The following GLB1 variants were observed in gnomAD, a reference collection of about 807,000 sequenced individuals.
GLB1 encodes galactosidase beta 1.
GLB1 carries 56 observed loss-of-function variants against 74.0 expected under a neutral mutation model. That is an observed-to-expected ratio of 0.76 (90% CI 0.61 to 0.94). The LOEUF (loss-of-function observed/expected upper bound fraction) is 0.94, where lower values mean the gene tolerates loss of function less well. Ranked by LOEUF, GLB1 falls within the 40% of genes least tolerant of loss-of-function variation. The pLI, the probability that GLB1 is intolerant of heterozygous loss-of-function variation, is 0.00. For synonymous variants in GLB1, 323 were observed against 323.6 expected (o/e 1.00, Z 0.02); for missense variants, 787 against 845.5 (o/e 0.93, Z 0.86).
At chr3:33,043,661 A>C (rs898849263) in intron 10 of GLB1, among the ~76,000 whole-genome samples, 1 of 138,766 alleles carries the variant, frequency 7.2e-6, no homozygotes, top group African/African-American at 2.7e-5. Context: ...TATCAGTTAA[A>C]AGACAAGAAA....
intron 11 of GLB1, among the ~76,000 whole-genome samples, chr3:33,023,903 G>A (rs972606291): frequency 1.3e-5 from 2 of 152,146 alleles, no homozygotes; most frequent in Admixed American, 6.5e-5. Context: ...ATACGACAAA[G>A]AGCCTTGGCA....
intron 14 of GLB1, 145 bp from the exon 15 acceptor site, chr3:33,014,455 TA>T (rs1310487431): frequency 1.6e-6 from 2 of 1,252,420 alleles, no homozygotes; most frequent in African/African-American, 3.0e-5. Flanking sequence ...TACATCGAAG[TA>T]ACACAGATCT....
intron 15 of GLB1, among the ~76,000 whole-genome samples, chr3:33,010,476 T>C (rs1575406649): frequency 3.9e-5 from 6 of 152,366 alleles, no homozygotes; most frequent in Admixed American, 3.9e-4. Flanking sequence ...GCTCCTTTTG[T>C]GACTGGGCTG....
chr3:33,064,517 C>T (rs1267695155), intron 5 of GLB1, among the ~76,000 whole-genome samples: 3 of 151,564 alleles, frequency 2.0e-5, no homozygotes, highest in Non-Finnish European at 2.9e-5. Flanking sequence ...TGGCTCACGC[C>T]TGTAATCCCA....
chr3:33,071,973 T>C (rs1371926961), intron 2 of GLB1, among the ~76,000 whole-genome samples: 2 of 152,238 alleles, frequency 1.3e-5, no homozygotes, highest in East Asian at 1.9e-4. Context: ...GAACCTTTCA[T>C]GGAATCTAAG....
chr3:33,096,507 A>C (rs1182302890), intron 1 of GLB1: 1 of 985,150 alleles, frequency 1.0e-6, no homozygotes, highest in Admixed American at 6.2e-5. Flanking sequence ...AAGGAACAAG[A>C]TGCACGAAGA....
chr3:33,092,079 G>A, intron 1 of GLB1: 1 of 985,478 alleles, frequency 1.0e-6, no homozygotes. Context: ...TGTATAAAAT[G>A]AGACAAGGGA....
At chr3:32,962,211 T>G in the GLB1 span, among the ~76,000 whole-genome samples, 1 of 150,132 alleles carries the variant, frequency 6.7e-6, no homozygotes, top group African/African-American at 2.5e-5. Context: ...AAAGAGAGTC[T>G]GAGAAGCTGT....
rs1476156139 is a variant in GLB1, at chr3:33,097,075, A to G, written c.11T>C (p.Phe4Ser). The G allele has an allele frequency of 6.2e-7, 1 of 1,612,582 alleles. No individual in the cohort carries two copies. The highest frequency in any genetic ancestry group is 8.5e-7 in the Non-Finnish European group (1 of 1,179,088). Reference sequence around the variant, plus strand: ...CAACAGAGGGAGGATGCGAACCAGGAACCCCGGCATGACCACCAGCCTCCC... The same window carrying G: ...CAACAGAGGGAGGATGCGAACCAGGGACCCCGGCATGACCACCAGCCTCCC... The part of the protein sequence containing the change: MPG[F>S]LVRILPLLLV... Residue 4 changes from phenylalanine to serine, a missense_variant, in exon 1 of 16, where the codon TTC (phenylalanine) becomes TCC (serine). Physicochemically the swap from Phe to Ser is radical, Grantham distance 155. Coordinates refer to ENST00000307363, the MANE Select transcript of GLB1 (RefSeq NM_000404.4).
At chr3:33,081,973 G>A (rs1197388897) in intron 1 of GLB1, among the ~76,000 whole-genome samples, 1 of 152,166 alleles carries the variant, frequency 6.6e-6, no homozygotes, top group South Asian at 2.1e-4. Flanking sequence ...AACAAAATTT[G>A]ATGGAAGGTT....
At position 33,046,185 on chromosome 3, in the gene GLB1, C is replaced by T; in HGVS notation, c.1003G>A (p.Ala335Thr). Residue 335 changes from alanine (A) to threonine (T), a missense_variant, in exon 10 of 16, where the codon GCC becomes ACC. By Grantham distance (58) the Ala-to-Thr change is moderately conservative. Coordinates refer to ENST00000307363, the MANE Select transcript of GLB1 (RefSeq NM_000404.4). ...AAQPTSYDYDAPLSEAGDLTE... is the reference protein window; with the variant it reads ...AAQPTSYDYDTPLSEAGDLTE... ...AGGTCCCCAGCCTCACTCAGTGGGG[C>T]ATCATAGTCGTAGCTGGTGGGCTGT... The T allele has an allele frequency of 6.2e-7, 1 of 1,614,036 alleles. No individual in the cohort carries two copies. The highest frequency in any genetic ancestry group is 8.5e-7 in the Non-Finnish European group (1 of 1,180,002).
the GLB1 span, among the ~76,000 whole-genome samples, chr3:32,988,436 A>G: frequency 3.3e-5 from 5 of 152,220 alleles, no homozygotes; most frequent in East Asian, 1.9e-4. Flanking sequence ...CACATTCTAC[A>G]TATGTTACTA....
chr3:33,057,006 C>A lies in GLB1; in HGVS notation c.733+1083G>T, dbSNP rs1299279179. Among the ~76,000 whole-genome samples, 5 of 152,222 alleles carry A rather than the reference C, an allele frequency of 3.3e-5. No homozygotes were observed. In the South Asian group the frequency reaches 6.2e-4, roughly 19 times the overall value. On this transcript the variant is annotated intron_variant, in intron 6 of 15. Transcript: ENST00000307363. ...GATCTGTGTTAGATCTGTGTCCCCA[C>A]CAAATCTCATGTCGAACTATAATCC...
chr3:33,096,313 C>G (rs1349446156), intron 1 of GLB1: 2 of 890,380 alleles, frequency 2.2e-6, no homozygotes, highest in Non-Finnish European at 2.7e-6. Flanking sequence ...TCCTCTCCCA[C>G]CAACTGTGCA....
intron 13 of GLB1, 27 bp from the exon 14 acceptor site, chr3:33,016,867 T>C (rs757102439): frequency 1.8e-5 from 29 of 1,612,376 alleles, no homozygotes; most frequent in South Asian, 1.2e-4. Context: ...CAAATGACAA[T>C]TGAATTGAGG....
intron 1 of GLB1, chr3:33,094,138 C>T (rs1375046696): frequency 1.2e-6 from 2 of 1,613,484 alleles, no homozygotes; most frequent in Non-Finnish European, 1.7e-6. Context: ...GACACGAAGA[C>T]AGTGACAGCA....
chr3:33,075,885 C>CA (rs528466855), intron 1 of GLB1, among the ~76,000 whole-genome samples: 2,768 of 148,300 alleles, frequency 0.019, 67 homozygotes, highest in African/African-American at 0.065. Context: ...ACTAAAAATA[C>CA]AAAAAAAAAA....
At chr3:33,038,617 C>A (rs1047731344) in intron 10 of GLB1, among the ~76,000 whole-genome samples, 4 of 152,184 alleles carry the variant, frequency 2.6e-5, no homozygotes, top group Non-Finnish European at 5.9e-5. Context: ...TTCACAAGGG[C>A]CAACTGAGAG....
chr3:33,074,341 G>GA (rs1261946731), intron 1 of GLB1, among the ~76,000 whole-genome samples: 2 of 33,346 alleles, frequency 6.0e-5, no homozygotes, highest in South Asian at 3.1e-3. Flanking sequence ...AGGAAGGAAG[G>GA]AAGGAAGGAA....
Sources: allele counts gnomAD v4.1 joint callset (sites outside exome capture counted in the v4.1 genomes callset), GRCh38; gene constraint gnomAD v4.1.1; transcripts MANE v1.5; gene names NCBI Gene and HGNC (gene_info 2026-07-23, HGNC 2026-07-21).